GLRA2: variants seen among roughly 807,000 people sequenced by gnomAD.
GLRA2 encodes the protein glycine receptor subunit alpha-2.
A neutral mutation model predicts 31.6 loss-of-function variants in GLRA2; 11 were observed. That is an observed-to-expected ratio of 0.35 (90% CI 0.22 to 0.58). The LOEUF (loss-of-function observed/expected upper bound fraction) is 0.58, where lower values mean the gene tolerates loss of function less well. Ranked by LOEUF, GLRA2 falls within the 20% of genes least tolerant of loss-of-function variation. The pLI is 0.84. For synonymous variants in GLRA2, 132 were observed against 134.0 expected (o/e 0.99, Z 0.10); for missense variants, 212 against 351.8 (o/e 0.60, Z 3.18).
At chrX:14,553,097 C>T (rs1477657791) in intron 2 of GLRA2, among the ~76,000 whole-genome samples, 10 of 111,598 alleles carry the variant, frequency 9.0e-5, no homozygotes, top group East Asian at 2.8e-4. Flanking sequence ...CAACCGTATT[C>T]GGCTTATTAT....
At chrX:14,519,998 A>T in the GLRA2 span, among the ~76,000 whole-genome samples, 1 of 112,377 alleles carries the variant, frequency 8.9e-6, no homozygotes, top group East Asian at 2.8e-4. Context: ...AATGAATGTA[A>T]TTCCATGTCA....
At chrX:14,681,921 A>G (rs1215045130) in intron 7 of GLRA2, among the ~76,000 whole-genome samples, 2 of 82,989 alleles carry the variant, frequency 2.4e-5, no homozygotes, top group African/African-American at 8.2e-5. Context: ...ATATATATAT[A>G]TATATATATG....
intron 2 of GLRA2, among the ~76,000 whole-genome samples, chrX:14,553,484 T>G (rs751192830): frequency 8.9e-6 from 1 of 111,797 alleles, no homozygotes; most frequent in Admixed American, 9.5e-5. Flanking sequence ...TTGTAATTAG[T>G]CTAATCCATG....
chrX:14,513,610 G>A, the GLRA2 span, among the ~76,000 whole-genome samples: 1 of 111,477 alleles, frequency 9.0e-6, no homozygotes, highest in Non-Finnish European at 1.9e-5. Context: ...CTAAGAACAT[G>A]AATAGACAAT....
chrX:14,618,345 C>A (rs1319523183), intron 7 of GLRA2, among the ~76,000 whole-genome samples: 2 of 111,505 alleles, frequency 1.8e-5, no homozygotes, highest in East Asian at 5.7e-4. Flanking sequence ...TATCCTTATA[C>A]TAAATATGCT....
chrX:14,592,513 T>C (rs2090155360), intron 4 of GLRA2, among the ~76,000 whole-genome samples: 1 of 109,537 alleles, frequency 9.1e-6, no homozygotes, highest in South Asian at 4.0e-4. Context: ...CTACAAAAAA[T>C]ACAAAAAAAC....
At chrX:14,660,968 T>G (rs1051076433) in intron 7 of GLRA2, among the ~76,000 whole-genome samples, 7 of 112,102 alleles carry the variant, frequency 6.2e-5, no homozygotes, top group Non-Finnish European at 1.1e-4. Context: ...CTCCTGGCAT[T>G]TCTTTGTTTC....
At chrX:14,668,826 C>T (rs948951886) in intron 7 of GLRA2, among the ~76,000 whole-genome samples, 6 of 111,613 alleles carry the variant, frequency 5.4e-5, no homozygotes, top group Admixed American at 9.5e-5. Context: ...GGGAGACAGC[C>T]AAACCATATC....
At chrX:14,637,603 G>A (rs2090724088) in intron 7 of GLRA2, among the ~76,000 whole-genome samples, 1 of 111,878 alleles carries the variant, frequency 8.9e-6, no homozygotes, top group Non-Finnish European at 1.9e-5. Flanking sequence ...ACTGATGGGA[G>A]GCTAATTATA....
At chrX:14,448,926 G>A in the GLRA2 span, among the ~76,000 whole-genome samples, 1 of 110,968 alleles carries the variant, frequency 9.0e-6, no homozygotes, top group Non-Finnish European at 1.9e-5. Flanking sequence ...CAGCTGAGAC[G>A]AGGTGGACGG....
chrX:14,714,940 A>G (rs905319388), intron 8 of GLRA2, among the ~76,000 whole-genome samples: 2 of 112,295 alleles, frequency 1.8e-5, no homozygotes. Flanking sequence ...TGTTATACAA[A>G]TACTCCTTAG....
In GLRA2 at chrX:14,690,659, T is replaced by TTCTC. The variant is rs763242271; in HGVS notation, c.931-35_931-32dup. ...CCTGGCAGGCTTTCATAGTCTTTCT[T>TTCTC]TCTCTCTCTCTCTCTCTCTGTGTGT... On this transcript the variant is annotated intron_variant, in intron 7 of 8. Transcript: ENST00000218075. 42 of 773,492 alleles carry TTCTC rather than the reference T, an allele frequency of 5.4e-5. No individual in the cohort carries two copies. In the South Asian group the frequency reaches 7.5e-4, roughly 14 times the overall value. The allele number at this position is 773,492 out of a possible 1,213,427, so 63.7% of individuals were successfully genotyped here.
chrX:14,514,710 T>A, the GLRA2 span, among the ~76,000 whole-genome samples: 1 of 111,431 alleles, frequency 9.0e-6, no homozygotes, highest in Non-Finnish European at 1.9e-5. Flanking sequence ...GTCAACAATT[T>A]TTTTTAGCAT....
the GLRA2 span, among the ~76,000 whole-genome samples, chrX:14,458,178 A>G: frequency 1.8e-5 from 2 of 110,811 alleles, no homozygotes; most frequent in Non-Finnish European, 3.8e-5. Context: ...AGCTTCATCC[A>G]TGTCCCTACA....
rs191907134 is a variant in GLRA2, at chrX:14,536,314, G to A, written c.202+3942G>A. On this transcript the variant is annotated intron_variant, in intron 2 of 8. Coordinates refer to ENST00000218075, the MANE Select transcript of GLRA2 (RefSeq NM_002063.4). ...AGTGGAGCTAAAGTTCAAATGTTGTGAATACCAACCCCTGTAGAAGGTGCT... is the reference window on the plus strand; with the variant it reads ...AGTGGAGCTAAAGTTCAAATGTTGTAAATACCAACCCCTGTAGAAGGTGCT... Among the ~76,000 whole-genome samples the A allele has an allele frequency of 1.9e-3, 210 of 112,037 alleles. 1 individual carries two copies. Among genetic ancestry groups the A allele is most frequent in the Middle Eastern group, 4.6e-3 (1 of 218 alleles).
At chrX:14,668,513 C>T (rs947712334) in intron 7 of GLRA2, among the ~76,000 whole-genome samples, 1 of 111,928 alleles carries the variant, frequency 8.9e-6, no homozygotes, top group African/African-American at 3.2e-5. Context: ...CGTTTTCACA[C>T]TGCTGACAAA....
Position 14,581,766 on chromosome X carries a change from GCACACA to G in GLRA2, c.494+395_494+400del, listed in dbSNP as rs57962541. On this transcript the variant is annotated intron_variant, in intron 4 of 8. Coordinates refer to ENST00000218075, the MANE Select transcript of GLRA2 (RefSeq NM_002063.4). ...CTGCCATTCTGTAACATTCAAGCAT[GCACACA>G]CACACACACACACACACACACACAC... 6.5e-3 allele frequency among the ~76,000 whole-genome samples: 589 copies of G among 90,790 alleles called. 2 individuals carry two copies. Among genetic ancestry groups the G allele is most frequent in the South Asian group, 0.012 (20 of 1,733 alleles). The allele number at this position is 90,790 out of a possible 115,157, so 78.8% of individuals were successfully genotyped here.
chrX:14,505,066 A>G, the GLRA2 span, among the ~76,000 whole-genome samples: 1 of 112,155 alleles, frequency 8.9e-6, no homozygotes, highest in East Asian at 2.8e-4. Flanking sequence ...ATCAGATCCC[A>G]GGGAGAAAAA....
At chrX:14,675,162 C>T (rs1049375355) in intron 7 of GLRA2, among the ~76,000 whole-genome samples, 3 of 111,439 alleles carry the variant, frequency 2.7e-5, no homozygotes, top group Non-Finnish European at 5.7e-5. Flanking sequence ...TTCACCTTGA[C>T]TCTCTCAGAT....
Sources: gnomAD v4.1 joint callset for allele counts (sites outside exome capture counted in the v4.1 genomes callset) on GRCh38, gnomAD v4.1.1 for gene constraint, MANE v1.5 for transcripts, NCBI Gene and HGNC (gene_info 2026-07-23, HGNC 2026-07-21) for gene names.